The following PDE1C variants were observed in gnomAD, a reference collection of about 807,000 sequenced individuals.
PDE1C encodes phosphodiesterase 1C.
Under a neutral mutation model 93.1 loss-of-function variants are expected in PDE1C, and 62 were observed. That is an observed-to-expected ratio of 0.67 (90% CI 0.54 to 0.82). PDE1C has a LOEUF of 0.82. Ranked by LOEUF, PDE1C falls within the 40% of genes least tolerant of loss-of-function variation. PDE1C has a pLI of 0.00. For missense variants in PDE1C, 742 were observed against 884.6 expected (o/e 0.84, Z 2.04); for synonymous variants, 325 against 310.1 (o/e 1.05, Z -0.50).
chr7:32,340,426 A>G (rs982326758), intron 1 of PDE1C, among the ~76,000 whole-genome samples: 24 of 152,326 alleles, frequency 1.6e-4, no homozygotes, highest in Admixed American at 1.5e-3. Context: ...TGTGAGGAGC[A>G]GAGAGACATT....
the PDE1C span, chr7:31,642,348 A>G: frequency 1.2e-6 from 1 of 869,178 alleles, no homozygotes; most frequent in Admixed American, 2.9e-5. Context: ...CCTCACTCAC[A>G]GCTAACTCAG....
chr7:32,182,609 C>A (rs979496466), intron 2 of PDE1C, among the ~76,000 whole-genome samples: 10 of 152,144 alleles, frequency 6.6e-5, no homozygotes, highest in African/African-American at 2.4e-4. Flanking sequence ...ACCCTTCATG[C>A]TAAAAACTCT....
chr7:32,206,731 C>G (rs1418358793), intron 2 of PDE1C, among the ~76,000 whole-genome samples: 1 of 152,240 alleles, frequency 6.6e-6, no homozygotes, highest in Non-Finnish European at 1.5e-5. Flanking sequence ...CTCACCCTGC[C>G]CACTGCAGAG....
chr7:32,034,549 C>T (rs909112723), intron 2 of PDE1C, among the ~76,000 whole-genome samples: 4 of 152,128 alleles, frequency 2.6e-5, no homozygotes, highest in African/African-American at 7.2e-5. Context: ...TTTTCCTTTT[C>T]TCCCCAAGGT....
chr7:32,191,987 T>A (rs1804268874), intron 2 of PDE1C, among the ~76,000 whole-genome samples: 1 of 152,204 alleles, frequency 6.6e-6, no homozygotes, highest in Non-Finnish European at 1.5e-5. Flanking sequence ...TATCTTTTTA[T>A]GTGTTTATTT....
chr7:31,780,564 G>A (rs1254494102), intron 16 of PDE1C, among the ~76,000 whole-genome samples: 1 of 152,152 alleles, frequency 6.6e-6, no homozygotes, highest in African/African-American at 2.4e-5. Flanking sequence ...TCTGATAAAT[G>A]AGGTAAAATA....
chr7:32,028,554 T>A (rs1046792865), intron 2 of PDE1C, among the ~76,000 whole-genome samples: 1 of 152,114 alleles, frequency 6.6e-6, no homozygotes, highest in African/African-American at 2.4e-5. Context: ...CATTTCTTTA[T>A]CTTAATTTTT....
At chr7:31,727,114 G>A in the PDE1C span, among the ~76,000 whole-genome samples, 2 of 152,068 alleles carry the variant, frequency 1.3e-5, no homozygotes, top group Non-Finnish European at 2.9e-5. Context: ...ATCCAATTCA[G>A]AACAAAGCCA....
At chr7:31,704,385 C>T in the PDE1C span, among the ~76,000 whole-genome samples, 1 of 152,224 alleles carries the variant, frequency 6.6e-6, no homozygotes, top group East Asian at 1.9e-4. Flanking sequence ...GCTGATTGGC[C>T]CTTGGAGACT....
intron 3 of PDE1C, among the ~76,000 whole-genome samples, chr7:32,119,637 A>G (rs1354700394): frequency 6.6e-6 from 1 of 152,194 alleles, no homozygotes; most frequent in Non-Finnish European, 1.5e-5. Context: ...TGATCCACAG[A>G]GAGGAAGGAA....
intron 1 of PDE1C, among the ~76,000 whole-genome samples, chr7:32,225,209 G>T: frequency 6.6e-6 from 1 of 152,064 alleles, no homozygotes; most frequent in African/African-American, 2.4e-5. Context: ...TGACGTTAAG[G>T]GGTGGTGAGG....
chr7:32,016,356 T>G (rs1787907466), intron 2 of PDE1C, among the ~76,000 whole-genome samples: 2 of 152,236 alleles, frequency 1.3e-5, no homozygotes, highest in African/African-American at 4.8e-5. Context: ...AGTGGGAGCT[T>G]GCCTACCCTG....
At chr7:32,200,823 G>A (rs1804955413) in intron 2 of PDE1C, among the ~76,000 whole-genome samples, 1 of 152,186 alleles carries the variant, frequency 6.6e-6, no homozygotes, top group African/African-American at 2.4e-5. Context: ...TCATCTCAGT[G>A]GGAGGCTTGT....
chr7:32,155,171 A>G (rs2128793648), intron 3 of PDE1C, among the ~76,000 whole-genome samples: 1 of 152,322 alleles, frequency 6.6e-6, no homozygotes, highest in East Asian at 1.9e-4. Context: ...TTGCTGGACC[A>G]GGGAGGCCGT....
At chr7:31,722,627 G>A in the PDE1C span, among the ~76,000 whole-genome samples, 1 of 152,194 alleles carries the variant, frequency 6.6e-6, no homozygotes, top group East Asian at 1.9e-4. Flanking sequence ...TGTTCCACCT[G>A]AGATCTGAAG....
intron 2 of PDE1C, among the ~76,000 whole-genome samples, chr7:31,904,476 CACTT>C (rs1800351954): frequency 8.4e-6 from 1 of 119,234 alleles, no homozygotes; most frequent in Non-Finnish European, 2.1e-5. Flanking sequence ...CATCTCCACT[CACTT>C]AAAAAAAAAA....
rs1562660556 is a variant in PDE1C, at chr7:32,298,065, C to CTCTCTCTCTCTCTCTCTCT, written c.85+585_85+586insAGAGAGAGAGAGAGAGAGA. ...CTCTCTCTCTCTCTCTCTCTCTCTC[C>CTCTCTCTCTCTCTCTCTCT]CCTCTCTCTCTGAATTCCCCGGTCT... On this transcript the variant is annotated intron_variant, in intron 1 of 18. Coordinates refer to the PDE1C transcript ENST00000396193. Among the ~76,000 whole-genome samples, 8 of 21,174 alleles carry CTCTCTCTCTCTCTCTCTCT rather than the reference C, an allele frequency of 3.8e-4. 3 individuals are homozygous for CTCTCTCTCTCTCTCTCTCT. The highest frequency in any genetic ancestry group is 6.5e-4 in the Admixed American group (1 of 1,536). The allele number at this position is 21,174 out of a possible 152,430, so 13.9% of individuals were successfully genotyped here.
At chr7:31,689,072 C>G in the PDE1C span, among the ~76,000 whole-genome samples, 10 of 152,062 alleles carry the variant, frequency 6.6e-5, no homozygotes, top group Admixed American at 4.6e-4. Context: ...TCCTTGAGAC[C>G]CCTCTAGAGC....
intron 2 of PDE1C, among the ~76,000 whole-genome samples, chr7:31,921,400 C>T (rs1020357594): frequency 6.6e-6 from 1 of 152,132 alleles, no homozygotes; most frequent in South Asian, 2.1e-4. Context: ...ATGATGCGAT[C>T]CTAAGGTCAG....
Sources: gnomAD v4.1 joint callset for allele counts (sites outside exome capture counted in the v4.1 genomes callset) on GRCh38, gnomAD v4.1.1 for gene constraint, MANE v1.5 for transcripts, NCBI Gene and HGNC (gene_info 2026-07-23, HGNC 2026-07-21) for gene names.